The following LRP1B variants were observed in gnomAD, a reference collection of about 807,000 sequenced individuals.
LRP1B encodes low-density lipoprotein receptor-related protein 1B.
A neutral mutation model predicts 556.6 loss-of-function variants in LRP1B; 217 were observed. The observed-to-expected ratio is 0.39, with a 90% CI of 0.35 to 0.44. The LOEUF is 0.44. LRP1B is among the 20% of genes least tolerant of loss of function. The pLI, the probability that LRP1B is intolerant of heterozygous loss-of-function variation, is 1.00. For synonymous variants in LRP1B, 2,047 were observed against 1,865.8 expected, an observed-to-expected ratio of 1.10 and a Z score of -2.50; for missense variants, 5,053 against 5,620.8, an observed-to-expected ratio of 0.90 and a Z score of 3.23.
intron 43 of LRP1B, among the ~76,000 whole-genome samples, chr2:140,598,210 G>A (rs1169599818): frequency 6.6e-6 from 1 of 152,136 alleles, no homozygotes; most frequent in Non-Finnish European, 1.5e-5. Flanking sequence ...GAGCTTCTTA[G>A]GTTGCTTTAA....
intron 3 of LRP1B, among the ~76,000 whole-genome samples, chr2:141,384,109 A>AT (rs1313358311): frequency 1.3e-5 from 2 of 152,162 alleles, no homozygotes; most frequent in African/African-American, 2.4e-5. Context: ...AAATATATAC[A>AT]TTTTTTATTT....
intron 41 of LRP1B, among the ~76,000 whole-genome samples, chr2:140,643,323 T>C (rs189348353): frequency 3.6e-4 from 55 of 152,248 alleles, no homozygotes; most frequent in African/African-American, 1.3e-3. Flanking sequence ...TTGCTTTCTG[T>C]CTACACTTCA....
chr2:140,811,486 C>G (rs1690923164), intron 32 of LRP1B, among the ~76,000 whole-genome samples: 1 of 152,124 alleles, frequency 6.6e-6, no homozygotes, highest in Non-Finnish European at 1.5e-5. Context: ...AAGTCACCGA[C>G]TTTCCTTGAA....
At chr2:140,267,613 G>A (rs1382799229) in intron 86 of LRP1B, among the ~76,000 whole-genome samples, 2 of 151,964 alleles carry the variant, frequency 1.3e-5, no homozygotes, top group East Asian at 2.0e-4. Context: ...AAGTCTGTAC[G>A]GGGTCAGCAC....
At chr2:140,711,502 T>C (rs542806983) in intron 37 of LRP1B, among the ~76,000 whole-genome samples, 37 of 152,204 alleles carry the variant, frequency 2.4e-4, no homozygotes, top group African/African-American at 8.9e-4. Context: ...AGTTAACCCA[T>C]TATAACTGCC....
intron 1 of LRP1B, among the ~76,000 whole-genome samples, chr2:141,846,806 A>G (rs182151685): frequency 4.0e-4 from 60 of 151,614 alleles, no homozygotes; most frequent in Admixed American, 2.0e-3. Flanking sequence ...AAAAAATAAA[A>G]GCTTTAGAAA....
chr2:140,560,175 T>C (rs1680877797), intron 43 of LRP1B, among the ~76,000 whole-genome samples: 1 of 151,952 alleles, frequency 6.6e-6, no homozygotes, highest in African/African-American at 2.4e-5. Flanking sequence ...AGGGACATGC[T>C]AAAAAACAAC....
At chr2:140,850,442 A>G in intron 28 of LRP1B, 113 bp from the exon 29 acceptor site, 1 of 613,648 alleles carries the variant, frequency 1.6e-6, no homozygotes, top group Non-Finnish European at 2.8e-6. Context: ...ATCACAATCA[A>G]TATTTGATGG....
chr2:141,952,421 T>C (rs1701131924), intron 1 of LRP1B, among the ~76,000 whole-genome samples: 1 of 152,202 alleles, frequency 6.6e-6, no homozygotes, highest in South Asian at 2.1e-4. Flanking sequence ...CACATATTTC[T>C]ATATAGATGC....
chr2:140,960,667 CAT>C (rs111894009), intron 18 of LRP1B, among the ~76,000 whole-genome samples: 16 of 151,920 alleles, frequency 1.1e-4, no homozygotes, highest in African/African-American at 3.9e-4. Flanking sequence ...ATAGCTCACA[CAT>C]GTTTACCAGT....
At chr2:141,014,797 A>T (rs1697855784) in intron 13 of LRP1B, among the ~76,000 whole-genome samples, 1 of 152,084 alleles carries the variant, frequency 6.6e-6, no homozygotes, top group Non-Finnish European at 1.5e-5. Context: ...AGCACCTGTT[A>T]AGTGTGTGAC....
At chr2:140,679,700 C>T (rs972297503) in intron 41 of LRP1B, among the ~76,000 whole-genome samples, 9 of 152,096 alleles carry the variant, frequency 5.9e-5, no homozygotes, top group East Asian at 3.9e-4. Context: ...TTGGTAAATA[C>T]GTAAGTTAAA....
At chr2:141,701,887 C>T (rs982604336) in intron 2 of LRP1B, among the ~76,000 whole-genome samples, 6 of 151,866 alleles carry the variant, frequency 4.0e-5, no homozygotes, top group African/African-American at 1.4e-4. Context: ...TTTGATGCTA[C>T]AGCCAGATTT....
chr2:141,537,903 G>A (rs960099480), intron 2 of LRP1B, among the ~76,000 whole-genome samples: 3 of 152,008 alleles, frequency 2.0e-5, no homozygotes, highest in Non-Finnish European at 4.4e-5. Context: ...TCCTCTTGTG[G>A]AATTCCACCC....
chr2:140,276,746 C>A (rs923553060), intron 84 of LRP1B, among the ~76,000 whole-genome samples: 4 of 151,892 alleles, frequency 2.6e-5, no homozygotes, highest in Non-Finnish European at 5.9e-5. Context: ...TGTTTCTTTG[C>A]AACATTTTTT....
intron 41 of LRP1B, among the ~76,000 whole-genome samples, chr2:140,682,320 T>A (rs1369486953): frequency 6.6e-6 from 1 of 152,178 alleles, no homozygotes; most frequent in African/African-American, 2.4e-5. Context: ...GCTGCTAAGA[T>A]TTTCTCTCCT....
In LRP1B at chr2:141,229,309, A is replaced by T. The variant is rs763197563; in HGVS notation, c.724T>A (p.Tyr242Asn). 7 of 1,612,742 alleles carry T rather than the reference A, an allele frequency of 4.3e-6. No individual in the cohort carries two copies. In the South Asian group the frequency reaches 7.7e-5, roughly 18 times the overall value. Residue 242 changes from tyrosine (Y) to asparagine (N), a missense_variant, in exon 6 of 91, where the codon TAT becomes AAT. Transcript: ENST00000389484. ...GNEIHTLDFI[Y>N]NEDMICWIES... Reference sequence around the variant, plus strand: ...ATCCAACAAATCATATCTTCATTATAAATAAAATCCAGAGTATGAATTTCA... The same window carrying T: ...ATCCAACAAATCATATCTTCATTATTAATAAAATCCAGAGTATGAATTTCA...
intron 79 of LRP1B, among the ~76,000 whole-genome samples, chr2:140,331,012 C>CTA (rs1202274078): frequency 2.6e-5 from 4 of 152,004 alleles, no homozygotes; most frequent in Admixed American, 2.6e-4. Context: ...GTACTTCATA[C>CTA]TATTAGATAG....
At chr2:141,527,511 A>G (rs1299300426) in intron 2 of LRP1B, among the ~76,000 whole-genome samples, 1 of 152,076 alleles carries the variant, frequency 6.6e-6, no homozygotes, top group East Asian at 1.9e-4. Flanking sequence ...CAAGCCATCT[A>G]TATCTGCTGA....
Sources: allele counts gnomAD v4.1 joint callset (sites outside exome capture counted in the v4.1 genomes callset), GRCh38; gene constraint gnomAD v4.1.1; transcripts MANE v1.5; gene names NCBI Gene and HGNC (gene_info 2026-07-23, HGNC 2026-07-21).